The following LSAMP variants were observed in gnomAD, a reference collection of about 807,000 sequenced individuals.
LSAMP encodes limbic system-associated membrane protein.
LSAMP carries 7 observed loss-of-function variants against 38.6 expected under a neutral mutation model. The observed-to-expected ratio is 0.18, with a 90% CI of 0.10 to 0.34. The LOEUF is 0.34. Ranked by LOEUF, LSAMP falls within the 10% of genes least tolerant of loss-of-function variation. The probability of loss-of-function intolerance (pLI) is 1.00; values close to 1 mark genes in which losing one functional copy is unlikely to be tolerated. For missense variants in LSAMP, 313 were observed against 420.0 expected (o/e 0.75, Z 2.23); for synonymous variants, 154 against 166.8 (o/e 0.92, Z 0.59).
chr3:115,810,042 G>A lies in LSAMP; in HGVS notation c.*275C>T. The A allele has an allele frequency of 5.5e-6, 2 of 360,818 alleles. No individual in the cohort carries two copies. Among genetic ancestry groups the A allele is most frequent in the South Asian group, 3.4e-5 (1 of 29,442 alleles). The allele number at this position is 360,818 out of a possible 1,614,324, so 22.4% of individuals were successfully genotyped here. On this transcript the variant is annotated 3_prime_UTR_variant, in exon 7 of 7. Transcript: ENST00000490035. ...CTTAGTGTGGTGTAGTCTTTACACA[G>A]CATACATTTGCTTAGTAGATATAAA...
chr3:115,893,554 A>T (rs963807442), intron 3 of LSAMP, among the ~76,000 whole-genome samples: 1 of 152,036 alleles, frequency 6.6e-6, no homozygotes, highest in Non-Finnish European at 1.5e-5. Flanking sequence ...AGGACCTTTT[A>T]AAACTATCAA....
chr3:116,132,028 A>G (rs1462119356), intron 1 of LSAMP, among the ~76,000 whole-genome samples: 1 of 151,864 alleles, frequency 6.6e-6, no homozygotes, highest in Non-Finnish European at 1.5e-5. Flanking sequence ...GGGTTTTGCA[A>G]TGTTGACCAG....
chr3:116,038,054 G>A (rs991659818), intron 2 of LSAMP, among the ~76,000 whole-genome samples: 1 of 152,064 alleles, frequency 6.6e-6, no homozygotes, highest in African/African-American at 2.4e-5. Context: ...AGATCCAAGA[G>A]GATGGGGACT....
chr3:116,063,986 C>T (rs1035255120), intron 2 of LSAMP, among the ~76,000 whole-genome samples: 5 of 152,076 alleles, frequency 3.3e-5, no homozygotes, highest in Non-Finnish European at 5.9e-5. Flanking sequence ...TGAATAAACA[C>T]GATAAAGTGG....
chr3:116,401,688 G>A (rs965436332), intron 1 of LSAMP, among the ~76,000 whole-genome samples: 3 of 151,998 alleles, frequency 2.0e-5, no homozygotes, highest in Middle Eastern at 3.2e-3. Flanking sequence ...GCACAGAATC[G>A]GATTTATCTT....
intron 3 of LSAMP, among the ~76,000 whole-genome samples, chr3:116,007,876 C>A (rs1211209354): frequency 2.0e-5 from 3 of 152,134 alleles, no homozygotes; most frequent in African/African-American, 7.2e-5. Flanking sequence ...CATTTTTGGG[C>A]CCCACACCTA....
intron 1 of LSAMP, among the ~76,000 whole-genome samples, chr3:116,356,856 C>A (rs1328122140): frequency 6.6e-6 from 1 of 152,042 alleles, no homozygotes; most frequent in Non-Finnish European, 1.5e-5. Flanking sequence ...TGCAGTGGCG[C>A]CATCTCGGCT....
chr3:116,029,364 G>C (rs1940865905), intron 2 of LSAMP, among the ~76,000 whole-genome samples: 1 of 152,102 alleles, frequency 6.6e-6, no homozygotes, highest in Non-Finnish European at 1.5e-5. Context: ...TCATGGGAAA[G>C]TAGAAAAAAT....
intron 3 of LSAMP, among the ~76,000 whole-genome samples, chr3:115,878,768 A>G (rs1397491509): frequency 6.6e-6 from 1 of 152,050 alleles, no homozygotes; most frequent in Non-Finnish European, 1.5e-5. Context: ...AGGTGAGAAC[A>G]TGCTATTCTA....
intron 1 of LSAMP, among the ~76,000 whole-genome samples, chr3:116,437,299 A>G (rs979279219): frequency 2.0e-5 from 3 of 152,118 alleles, no homozygotes; most frequent in Non-Finnish European, 4.4e-5. Flanking sequence ...AATATGGTGC[A>G]GTGTATACTG....
intron 2 of LSAMP, among the ~76,000 whole-genome samples, chr3:116,076,456 A>C (rs185354454): frequency 6.6e-6 from 1 of 151,970 alleles, no homozygotes; most frequent in East Asian, 1.9e-4. Flanking sequence ...ATGGGGTTTC[A>C]CTGTGTTAGC....
chr3:115,930,351 T>C (rs553033484), intron 3 of LSAMP, among the ~76,000 whole-genome samples: 6 of 152,214 alleles, frequency 3.9e-5, no homozygotes, highest in Admixed American at 3.3e-4. Flanking sequence ...TTAGGTACTT[T>C]CACTTTTATT....
chr3:116,012,517 G>C (rs1420056899), intron 3 of LSAMP, among the ~76,000 whole-genome samples: 1 of 152,166 alleles, frequency 6.6e-6, no homozygotes, highest in Non-Finnish European at 1.5e-5. Context: ...ATGGATATAT[G>C]AATAAGCCAT....
chr3:115,812,214 T>C (rs1288557553), intron 6 of LSAMP, among the ~76,000 whole-genome samples: 1 of 152,180 alleles, frequency 6.6e-6, no homozygotes, highest in Non-Finnish European at 1.5e-5. Context: ...GCATACAGTA[T>C]AAAATGAGCT....
intron 3 of LSAMP, among the ~76,000 whole-genome samples, chr3:115,984,830 T>C (rs1255316647): frequency 2.0e-5 from 3 of 152,180 alleles, no homozygotes; most frequent in Admixed American, 6.6e-5. Flanking sequence ...CAGGGTTCTA[T>C]ATAGGTTTGA....
intron 1 of LSAMP, among the ~76,000 whole-genome samples, chr3:116,439,320 T>G (rs1429191776): frequency 3.2e-5 from 4 of 124,642 alleles, no homozygotes; most frequent in African/African-American, 1.1e-4. Context: ...GATTTTGTTG[T>G]TTTTTTTTTT....
At chr3:115,861,368 G>A (rs1381996708) in intron 3 of LSAMP, among the ~76,000 whole-genome samples, 1 of 151,978 alleles carries the variant, frequency 6.6e-6, no homozygotes, top group South Asian at 2.1e-4. Context: ...GCCTTCCTGT[G>A]AATTACTGTG....
chr3:115,846,345 T>A (rs1383151898), intron 4 of LSAMP, among the ~76,000 whole-genome samples: 2 of 152,118 alleles, frequency 1.3e-5, no homozygotes, highest in Non-Finnish European at 2.9e-5. Flanking sequence ...ACATCACCAA[T>A]AACAAGACTC....
chr3:115,941,630 A>T (rs1483781905), intron 3 of LSAMP, among the ~76,000 whole-genome samples: 1 of 152,132 alleles, frequency 6.6e-6, no homozygotes, highest in Non-Finnish European at 1.5e-5. Context: ...AAAAAGAATA[A>T]CATTCTGCCA....
Sources: gnomAD v4.1 joint callset for allele counts (sites outside exome capture counted in the v4.1 genomes callset) on GRCh38, gnomAD v4.1.1 for gene constraint, MANE v1.5 for transcripts, NCBI Gene and HGNC (gene_info 2026-07-23, HGNC 2026-07-21) for gene names.